The following LRMDA variants were observed in gnomAD, a reference collection of about 807,000 sequenced individuals.
LRMDA encodes the protein leucine-rich melanocyte differentiation-associated protein.
Under a neutral mutation model 29.8 loss-of-function variants are expected in LRMDA, and 18 were observed. The ratio of observed to expected loss-of-function variants is 0.60; its 90% CI spans 0.42 to 0.90. The LOEUF is 0.90. LRMDA is among the 40% of genes least tolerant of loss of function. The probability of loss-of-function intolerance (pLI) is 0.00; values close to 1 mark genes in which losing one functional copy is unlikely to be tolerated. For synonymous variants in LRMDA, 125 were observed against 109.4 expected (o/e 1.14, Z -0.89); for missense variants, 273 against 273.9 (o/e 1.00, Z 0.02).
intron 6 of LRMDA, among the ~76,000 whole-genome samples, chr10:76,534,752 T>A (rs1485068465): frequency 1.3e-5 from 2 of 152,192 alleles, no homozygotes; most frequent in Admixed American, 1.3e-4. Flanking sequence ...CATTGTCACC[T>A]TGCGGGGGTA....
intron 2 of LRMDA, among the ~76,000 whole-genome samples, chr10:75,746,249 T>G (rs888068257): frequency 1.4e-4 from 22 of 152,190 alleles, no homozygotes; most frequent in African/African-American, 5.1e-4. Flanking sequence ...ATAATTTAAT[T>G]TCAGACTGAC....
chr10:76,385,839 C>A (rs1841652998), intron 6 of LRMDA, among the ~76,000 whole-genome samples: 1 of 152,166 alleles, frequency 6.6e-6, no homozygotes, highest in Non-Finnish European at 1.5e-5. Flanking sequence ...TTGACTTTAA[C>A]CTATTGTTTG....
At chr10:76,148,192 A>C (rs2132161220) in intron 5 of LRMDA, among the ~76,000 whole-genome samples, 1 of 152,272 alleles carries the variant, frequency 6.6e-6, no homozygotes, top group Middle Eastern at 3.4e-3. Flanking sequence ...TGCTGGGAGA[A>C]CCACTACTCT....
At chr10:76,150,878 C>T (rs996089365) in intron 5 of LRMDA, among the ~76,000 whole-genome samples, 1 of 152,230 alleles carries the variant, frequency 6.6e-6, no homozygotes, top group Admixed American at 6.5e-5. Context: ...GCTGCATCCA[C>T]TGAGACGCAG....
At chr10:76,012,889 T>G (rs977397648) in intron 2 of LRMDA, among the ~76,000 whole-genome samples, 8 of 152,122 alleles carry the variant, frequency 5.3e-5, no homozygotes, top group African/African-American at 1.4e-4. Context: ...TGGCTTTGTA[T>G]TTGGAATAAT....
At chr10:76,064,988 GTTTC>G (rs1292329288) in intron 5 of LRMDA, among the ~76,000 whole-genome samples, 4 of 151,712 alleles carry the variant, frequency 2.6e-5, no homozygotes, top group Admixed American at 6.6e-5. Context: ...TCTATTTTCA[GTTTC>G]TTTCTAGTAA....
chr10:75,446,437 C>A (rs1178331153), intron 2 of LRMDA, among the ~76,000 whole-genome samples: 3 of 152,200 alleles, frequency 2.0e-5, no homozygotes, highest in Non-Finnish European at 4.4e-5. Context: ...GTCATTGGGG[C>A]TCCTCACAGA....
At chr10:75,564,033 G>A (rs1351577605) in intron 2 of LRMDA, among the ~76,000 whole-genome samples, 15 of 152,320 alleles carry the variant, frequency 9.8e-5, no homozygotes, top group Non-Finnish European at 1.8e-4. Flanking sequence ...CTCCAGCTGC[G>A]TGCTGGGAGA....
intron 5 of LRMDA, among the ~76,000 whole-genome samples, chr10:76,156,810 G>C (rs1271484970): frequency 6.6e-6 from 1 of 152,210 alleles, no homozygotes; most frequent in Non-Finnish European, 1.5e-5. Flanking sequence ...ATTTATAGGA[G>C]AGCAGGTAAG....
At chr10:76,263,512 A>C (rs1213611839) in intron 5 of LRMDA, among the ~76,000 whole-genome samples, 1 of 152,188 alleles carries the variant, frequency 6.6e-6, no homozygotes, top group Non-Finnish European at 1.5e-5. Context: ...AGACTCAATA[A>C]GATATTTCTC....
At chr10:76,369,886 G>A (rs1302591266) in intron 6 of LRMDA, among the ~76,000 whole-genome samples, 1 of 152,038 alleles carries the variant, frequency 6.6e-6, no homozygotes, top group Non-Finnish European at 1.5e-5. Flanking sequence ...CCTTGCCTTG[G>A]TTCAACATAT....
chr10:75,929,820 C>T (rs754374134), intron 2 of LRMDA, among the ~76,000 whole-genome samples: 195 of 152,264 alleles, frequency 1.3e-3, no homozygotes, highest in Non-Finnish European at 1.2e-3. Context: ...TAAATAATGT[C>T]GTCAGGAGTT....
chr10:76,219,931 T>G (rs574536941), intron 5 of LRMDA, among the ~76,000 whole-genome samples: 1 of 152,314 alleles, frequency 6.6e-6, no homozygotes, highest in Non-Finnish European at 1.5e-5. Flanking sequence ...CAGACCACAG[T>G]GCAATCAAAC....
At chr10:76,234,320 A>C (rs1852111999) in intron 5 of LRMDA, among the ~76,000 whole-genome samples, 1 of 152,196 alleles carries the variant, frequency 6.6e-6, no homozygotes, top group Non-Finnish European at 1.5e-5. Context: ...TAAGTAAATC[A>C]TGCTGTGAAC....
At chr10:76,040,522 G>A (rs1476360489) in intron 3 of LRMDA, among the ~76,000 whole-genome samples, 1 of 151,710 alleles carries the variant, frequency 6.6e-6, no homozygotes, top group Non-Finnish European at 1.5e-5. Flanking sequence ...GACTGGCCAG[G>A]TAGTCACTGG....
At chr10:76,350,057 T>A (rs1841156115) in intron 6 of LRMDA, among the ~76,000 whole-genome samples, 1 of 151,912 alleles carries the variant, frequency 6.6e-6, no homozygotes, top group Admixed American at 6.6e-5. Context: ...ATATAAAGCT[T>A]GAAAGTGCCA....
intron 5 of LRMDA, among the ~76,000 whole-genome samples, chr10:76,067,184 C>CA (rs1848798262): frequency 6.6e-6 from 1 of 152,222 alleles, no homozygotes; most frequent in Admixed American, 6.5e-5. Context: ...TGTTCTTTGA[C>CA]ATGTTCTTAC....
At chr10:76,410,353 G>T (rs1199439741) in intron 6 of LRMDA, among the ~76,000 whole-genome samples, 2 of 123,308 alleles carry the variant, frequency 1.6e-5, no homozygotes, top group East Asian at 4.5e-4. Context: ...CTGTGACCCA[G>T]GCTGGAGTGC....
intron 2 of LRMDA, among the ~76,000 whole-genome samples, chr10:75,917,731 TA>T (rs1845958669): frequency 6.6e-6 from 1 of 151,972 alleles, no homozygotes; most frequent in African/African-American, 2.4e-5. Flanking sequence ...AAAAACAAGG[TA>T]AAAGGAAGTC....
Sources: allele counts gnomAD v4.1 joint callset (sites outside exome capture counted in the v4.1 genomes callset), GRCh38; gene constraint gnomAD v4.1.1; transcripts MANE v1.5; gene names NCBI Gene and HGNC (gene_info 2026-07-23, HGNC 2026-07-21).